Variants in CELF2 observed in about 807,000 individuals in gnomAD.
The protein encoded by CELF2 is CUGBP Elav-like family member 2, also known as CUG triplet repeat RNA-binding protein 2.
Under a neutral mutation model 62.6 loss-of-function variants are expected in CELF2, and 8 were observed. The ratio of observed to expected loss-of-function variants is 0.13; its 90% CI spans 0.07 to 0.23. The LOEUF (loss-of-function observed/expected upper bound fraction) is 0.23, where lower values mean the gene tolerates loss of function less well. Ranked by LOEUF, CELF2 falls within the 10% of genes least tolerant of loss-of-function variation. The probability of loss-of-function intolerance (pLI) is 1.00; values close to 1 mark genes in which losing one functional copy is unlikely to be tolerated. For missense variants in CELF2, 333 were observed against 671.0 expected, an observed-to-expected ratio of 0.50 and a Z score of 5.56; for synonymous variants, 258 against 250.0, an observed-to-expected ratio of 1.03 and a Z score of -0.30.
At chr10:10,945,485 T>G (rs1280523245) in intron 2 of CELF2, among the ~76,000 whole-genome samples, 3 of 152,180 alleles carry the variant, frequency 2.0e-5, no homozygotes, top group Admixed American at 2.0e-4. Context: ...GCCTGTTTGA[T>G]TTCCAGTTTA....
At chr10:10,547,690 AGAGTGTGTGT>A in the CELF2 span, among the ~76,000 whole-genome samples, 3 of 131,040 alleles carry the variant, frequency 2.3e-5, no homozygotes, top group Non-Finnish European at 5.0e-5. Context: ...AGAGAGAGAG[AGAGTGTGTGT>A]GTGTGTGTGT....
chr10:11,179,643 A>G (rs892908724), intron 2 of CELF2, among the ~76,000 whole-genome samples: 5 of 152,310 alleles, frequency 3.3e-5, no homozygotes, highest in Non-Finnish European at 7.4e-5. Context: ...CATCCCAGGA[A>G]TACAAAGATG....
chr10:10,637,520 G>A, the CELF2 span, among the ~76,000 whole-genome samples: 1 of 152,164 alleles, frequency 6.6e-6, no homozygotes, highest in Non-Finnish European at 1.5e-5. Flanking sequence ...GACAGGAGAT[G>A]AGGAAAGAGC....
chr10:10,849,618 A>C (rs572526784), intron 1 of CELF2, among the ~76,000 whole-genome samples: 7 of 152,246 alleles, frequency 4.6e-5, no homozygotes, highest in African/African-American at 1.4e-4. Context: ...AAAAACAAGG[A>C]TATTCCCTTA....
intron 1 of CELF2, among the ~76,000 whole-genome samples, chr10:11,047,142 A>C (rs2063002458): frequency 6.6e-6 from 1 of 152,190 alleles, no homozygotes; most frequent in Non-Finnish European, 1.5e-5. Flanking sequence ...AACAATCTCT[A>C]AGTTTCCATT....
rs762874152 is a variant in CELF2 at position 11,314,562 on chromosome 10, CG to C, written c.1096+306del. 3.7e-5 allele frequency: 16 copies of C among 428,286 alleles called. No homozygotes were observed. The highest frequency in any genetic ancestry group is 6.6e-5 in the Non-Finnish European group (15 of 227,212). The allele number at this position is 428,286 out of a possible 1,614,324, so 26.5% of individuals were successfully genotyped here. A position where few individuals can be genotyped will look rare whatever the true frequency, so the allele number is the denominator to read the frequency against. On this transcript the variant is annotated intron_variant, in intron 10 of 12. Transcript: ENST00000633077. The surrounding 1 kb of genome is among the most constrained non-coding windows in gnomAD (Gnocchi z 5.3). ...CCAGGAGTTTGGTTTGGTTTGGTTTCGGTCGGTTCTGTCCTGCGAGGCAGGG... is the reference window on the plus strand; with the variant it reads ...CCAGGAGTTTGGTTTGGTTTGGTTTCGTCGGTTCTGTCCTGCGAGGCAGGG...
At chr10:10,708,264 G>T in the CELF2 span, among the ~76,000 whole-genome samples, 1 of 152,178 alleles carries the variant, frequency 6.6e-6, no homozygotes, top group Non-Finnish European at 1.5e-5. Context: ...CTCAGAACCA[G>T]AAGACACTCT....
chr10:11,217,393 A>G lies in CELF2; in HGVS notation c.272-32A>G. Reference sequence around the variant, plus strand: ...TATATCTAAGCAAAGCATTCACAGAAATTTCTAAAACCTTTTCATTTCTCT... The same window carrying G: ...TATATCTAAGCAAAGCATTCACAGAGATTTCTAAAACCTTTTCATTTCTCT... On this transcript the variant is annotated intron_variant, in intron 2 of 12. Coordinates refer to ENST00000633077, the MANE Select transcript of CELF2 (RefSeq NM_001326342.2). This position sits in a 1 kb window ranked among gnomAD's most constrained non-coding sequence, Gnocchi z 5.6. 6.6e-7 allele frequency: 1 copy of G among 1,517,870 alleles called. No homozygotes were observed. The highest frequency in any genetic ancestry group is 9.1e-7 in the Non-Finnish European group (1 of 1,098,258). 94.0% of individuals were successfully genotyped at this position (1,517,870 alleles called of 1,614,324 possible). A position where few individuals can be genotyped will look rare whatever the true frequency, so the allele number is the denominator to read the frequency against.
At chr10:11,170,469 A>T (rs924931644) in intron 2 of CELF2, among the ~76,000 whole-genome samples, 1 of 152,202 alleles carries the variant, frequency 6.6e-6, no homozygotes, top group African/African-American at 2.4e-5. Context: ...CACTTAGATC[A>T]TGTCCATCTG....
intron 1 of CELF2, among the ~76,000 whole-genome samples, chr10:11,130,945 G>T (rs1041341253): frequency 2.0e-5 from 3 of 152,192 alleles, no homozygotes; most frequent in African/African-American, 7.2e-5. Flanking sequence ...AGATTTTAGT[G>T]CATTTGCATA....
At chr10:10,689,371 G>GC in the CELF2 span, among the ~76,000 whole-genome samples, 2 of 152,056 alleles carry the variant, frequency 1.3e-5, no homozygotes, top group African/African-American at 4.8e-5. Flanking sequence ...TGGAAAATCT[G>GC]CCCCCATGAT....
At chr10:10,924,904 A>G (rs1436549256) in intron 2 of CELF2, 1 of 152,168 alleles carries the variant, frequency 6.6e-6, no homozygotes, top group Non-Finnish European at 1.5e-5. Context: ...AAGCCGTTAT[A>G]TGCCGTTTTG....
rs1312400542 is a variant in CELF2 at position 11,178,676 on chromosome 10, CAG to C, written c.271+12997_271+12998del. Among the ~76,000 whole-genome samples the C allele has an allele frequency of 1.3e-5, 2 of 152,156 alleles. No homozygotes were observed. Among genetic ancestry groups the C allele is most frequent in the Non-Finnish European group, 2.9e-5 (2 of 68,024 alleles). ...GAAAAGAAGAGTCTTCGTCAAATGG[CAG>C]AGTTTGATTGTTTAACCTAGACTAA... On this transcript the variant is annotated intron_variant, in intron 2 of 12. Transcript: ENST00000633077. This position sits in a 1 kb window ranked among gnomAD's most constrained non-coding sequence, Gnocchi z 4.3.
At position 11,117,636 on chromosome 10, in the gene CELF2, T is replaced by C. The variant is rs992146910; in HGVS notation, c.75-47850T>C. Among the ~76,000 whole-genome samples the C allele has an allele frequency of 6.6e-6, 1 of 152,210 alleles. No individual in the cohort carries two copies. Among genetic ancestry groups the C allele is most frequent in the Admixed American group, 6.5e-5 (1 of 15,276 alleles). On this transcript the variant is annotated intron_variant, in intron 1 of 12. Transcript: ENST00000633077. This position sits in a 1 kb window ranked among gnomAD's most constrained non-coding sequence, Gnocchi z 4.1. ...TGATGGTATCATGACATGAATATGA[T>C]CCTTGCTGACATTAAAATGGAGCAG...
the CELF2 span, among the ~76,000 whole-genome samples, chr10:10,462,621 T>TC: frequency 6.8e-6 from 1 of 146,954 alleles, no homozygotes; most frequent in Non-Finnish European, 1.5e-5. Context: ...TCATCTTTTT[T>TC]TTTTTTTTTT....
intron 1 of CELF2, among the ~76,000 whole-genome samples, chr10:10,866,231 AC>A (rs2060350627): frequency 6.6e-6 from 1 of 152,014 alleles, no homozygotes; most frequent in South Asian, 2.1e-4. Context: ...CACACTGCTG[AC>A]TTCAGCTTGT....
rs775564632 is a variant in CELF2, at chr10:11,314,199, G to A, written c.1037G>A (p.Gly346Glu). The A allele has an allele frequency of 6.2e-7, 1 of 1,613,950 alleles. No individual in the cohort carries two copies. Among genetic ancestry groups the A allele is most frequent in the Non-Finnish European group, 8.5e-7 (1 of 1,179,886 alleles). Residue 346 changes from glycine (G) to glutamate (E), a missense_variant, in exon 10 of 13, where the codon GGG becomes GAG. Around this residue, in one of 3 missense-constraint regions of CELF2, gnomAD observed 253 missense variants for 503.0 expected, o/e 0.50. Transcript: ENST00000633077. The surrounding 1 kb of genome is among the most constrained non-coding windows in gnomAD (Gnocchi z 5.3). Reference sequence around the variant, plus strand: ...GCCATGAACTCCTTGACCTCTCTCGGGACTCTGCAAGGACTGGCTGGAGCC... The same window carrying A: ...GCCATGAACTCCTTGACCTCTCTCGAGACTCTGCAAGGACTGGCTGGAGCC... Reference protein sequence around the residue: ...GAAMNSLTSLGTLQGLAGATV... With the variant: ...GAAMNSLTSLETLQGLAGATV...
chr10:10,757,055 T>C, the CELF2 span, among the ~76,000 whole-genome samples: 2 of 151,872 alleles, frequency 1.3e-5, no homozygotes, highest in Non-Finnish European at 2.9e-5. Context: ...GGCAGGAGAA[T>C]TGCTTGAACC....
At chr10:10,499,083 T>A in the CELF2 span, among the ~76,000 whole-genome samples, 1 of 151,762 alleles carries the variant, frequency 6.6e-6, no homozygotes, top group Non-Finnish European at 1.5e-5. Flanking sequence ...TTTTTTTTTT[T>A]TTTGAGAGAG....
Sources: allele counts gnomAD v4.1 joint callset (sites outside exome capture counted in the v4.1 genomes callset), GRCh38; gene constraint gnomAD v4.1.1; regional missense constraint gnomAD v4.1.1; non-coding constraint Gnocchi (gnomAD v3.1); transcripts MANE v1.5; gene names NCBI Gene and HGNC (gene_info 2026-07-23, HGNC 2026-07-21).